Variants in NCKAP5 observed in about 807,000 individuals in gnomAD.
NCKAP5 encodes nck-associated protein 5.
A neutral mutation model predicts 167.0 loss-of-function variants in NCKAP5; 92 were observed. The ratio of observed to expected loss-of-function variants is 0.55; its 90% CI spans 0.47 to 0.66. The LOEUF is 0.66. NCKAP5 is among the 30% of genes least tolerant of loss of function. NCKAP5 has a pLI of 0.00. For missense variants in NCKAP5, 2,378 were observed against 2,315.0 expected (o/e 1.03, Z -0.56); for synonymous variants, 891 against 877.4 (o/e 1.02, Z -0.27).
chr2:133,181,859 C>T (rs2084753664), intron 5 of NCKAP5, among the ~76,000 whole-genome samples: 1 of 151,972 alleles, frequency 6.6e-6, no homozygotes, highest in Admixed American at 6.6e-5. Flanking sequence ...CAAGTAAGTG[C>T]TATCTACAAA....
At chr2:133,059,363 A>G (rs1375239358) in intron 6 of NCKAP5, among the ~76,000 whole-genome samples, 1 of 151,984 alleles carries the variant, frequency 6.6e-6, no homozygotes, top group Admixed American at 6.6e-5. Flanking sequence ...TTTTTTAGCA[A>G]TAAAATATTT....
At chr2:133,428,674 A>G (rs1359234629) in intron 3 of NCKAP5, among the ~76,000 whole-genome samples, 1 of 152,146 alleles carries the variant, frequency 6.6e-6, no homozygotes, top group Non-Finnish European at 1.5e-5. Flanking sequence ...ACCAAGCTAA[A>G]ACACCCAAAA....
intron 16 of NCKAP5, among the ~76,000 whole-genome samples, chr2:132,758,546 T>C (rs545523228): frequency 6.6e-6 from 1 of 152,288 alleles, no homozygotes; most frequent in Admixed American, 6.5e-5. Context: ...GGAAAAAAGA[T>C]GAGAATTCAA....
intron 16 of NCKAP5, among the ~76,000 whole-genome samples, chr2:132,747,295 T>C (rs1193033344): frequency 6.6e-6 from 1 of 151,980 alleles, no homozygotes; most frequent in African/African-American, 2.4e-5. Context: ...ATTAGAGGCA[T>C]CTGAAAGTGG....
At chr2:133,552,357 A>G (rs1487223566) in intron 2 of NCKAP5, among the ~76,000 whole-genome samples, 2 of 123,746 alleles carry the variant, frequency 1.6e-5, no homozygotes, top group Non-Finnish European at 3.3e-5. Context: ...AATGTCCAAC[A>G]ATGATAGACT....
chr2:132,779,595 G>C (rs1682844741), intron 15 of NCKAP5, among the ~76,000 whole-genome samples: 1 of 147,562 alleles, frequency 6.8e-6, no homozygotes. Flanking sequence ...ATGGGATGAG[G>C]GAAAGAAAAA....
intron 11 of NCKAP5, among the ~76,000 whole-genome samples, chr2:132,829,560 C>T (rs1264945378): frequency 6.6e-6 from 1 of 152,172 alleles, no homozygotes; most frequent in African/African-American, 2.4e-5. Flanking sequence ...AGAGGCCTTA[C>T]AGCCAGCTCT....
chr2:133,146,921 C>T (rs555316157), intron 5 of NCKAP5, among the ~76,000 whole-genome samples: 1 of 152,202 alleles, frequency 6.6e-6, no homozygotes, highest in Admixed American at 6.5e-5. Flanking sequence ...TCATTTAAAC[C>T]TTGCATGTAT....
chr2:133,131,276 C>G lies in NCKAP5; in HGVS notation c.208-1165G>C, dbSNP rs77032547. Reference sequence around the variant, plus strand: ...CCTTTGTTCCAGCGTGAAAAGCTGCCTAGGTCTCTCGGTTGAAAGCCTAGG... The same window carrying G: ...CCTTTGTTCCAGCGTGAAAAGCTGCGTAGGTCTCTCGGTTGAAAGCCTAGG... On this transcript the variant is annotated intron_variant, in intron 5 of 19. Transcript: ENST00000409261. Among the ~76,000 whole-genome samples, 703 of 152,246 alleles carry G rather than the reference C, an allele frequency of 4.6e-3. 1 individual carries two copies. The highest frequency in any genetic ancestry group is 8.3e-3 in the Non-Finnish European group (564 of 68,006).
chr2:133,479,799 A>T (rs1680262517), intron 3 of NCKAP5, among the ~76,000 whole-genome samples: 1 of 152,220 alleles, frequency 6.6e-6, no homozygotes, highest in African/African-American at 2.4e-5. Context: ...ATCGAAATTT[A>T]TGCTGGATGG....
At chr2:132,926,085 G>T (rs2577634) in intron 8 of NCKAP5, 164,622 of 226,858 alleles carry the variant, frequency 0.73, 61,444 homozygotes, top group African/African-American at 0.93. Context: ...ACACACTTTA[G>T]GTCCATGTGT....
chr2:133,506,392 G>A (rs931608264), intron 3 of NCKAP5, among the ~76,000 whole-genome samples: 25 of 152,178 alleles, frequency 1.6e-4, no homozygotes, highest in African/African-American at 5.5e-4. Context: ...GGATACACTC[G>A]TTTGGCCTCT....
chr2:132,759,771 GC>G (rs1297222135), intron 16 of NCKAP5, among the ~76,000 whole-genome samples: 2 of 151,372 alleles, frequency 1.3e-5, no homozygotes, highest in African/African-American at 4.9e-5. Context: ...GATAATCTTT[GC>G]CTTTTAACTA....
At chr2:133,607,963 C>T in the NCKAP5 span, among the ~76,000 whole-genome samples, 2 of 152,208 alleles carry the variant, frequency 1.3e-5, no homozygotes, top group African/African-American at 4.8e-5. Context: ...TAACAACTTA[C>T]TGGTATTAAC....
At chr2:133,641,654 C>T in the NCKAP5 span, among the ~76,000 whole-genome samples, 1 of 152,232 alleles carries the variant, frequency 6.6e-6, no homozygotes, top group South Asian at 2.1e-4. Context: ...ACCCTCAGGC[C>T]ATGGCCCAGA....
chr2:132,823,754 T>C (rs182684477), intron 11 of NCKAP5, among the ~76,000 whole-genome samples: 2 of 152,296 alleles, frequency 1.3e-5, no homozygotes, highest in East Asian at 1.9e-4. Context: ...ACTTAAAAGA[T>C]ACAGAATGGC....
At chr2:132,987,693 C>T (rs888402717) in intron 7 of NCKAP5, among the ~76,000 whole-genome samples, 5 of 152,166 alleles carry the variant, frequency 3.3e-5, no homozygotes, top group East Asian at 3.9e-4. Flanking sequence ...GTAGAGAGAA[C>T]CAAAAACTTG....
intron 16 of NCKAP5, among the ~76,000 whole-genome samples, chr2:132,760,957 G>A (rs556341646): frequency 6.6e-6 from 1 of 152,270 alleles, no homozygotes; most frequent in South Asian, 2.1e-4. Context: ...GGATTTATGG[G>A]ACACAAAAAG....
chr2:133,630,452 T>G, the NCKAP5 span, among the ~76,000 whole-genome samples: 9 of 152,226 alleles, frequency 5.9e-5, no homozygotes, highest in African/African-American at 2.2e-4. Flanking sequence ...TTTGGGTGAA[T>G]AGTGAGTATG....
Sources: allele counts gnomAD v4.1 joint callset (sites outside exome capture counted in the v4.1 genomes callset), GRCh38; gene constraint gnomAD v4.1.1; transcripts MANE v1.5; gene names NCBI Gene and HGNC (gene_info 2026-07-23, HGNC 2026-07-21).